The following CHD1L variants were observed in gnomAD, a reference collection of about 807,000 sequenced individuals.
CHD1L encodes the protein chromodomain helicase DNA binding protein 1 like, also known as ATP-dependent chromatin remodeler CHD1L.
CHD1L carries 118 observed loss-of-function variants against 115.9 expected under a neutral mutation model. The ratio of observed to expected loss-of-function variants is 1.02; its 90% CI spans 0.88 to 1.19. The LOEUF is 1.19. Ranked by LOEUF, CHD1L falls within the 50% of genes most tolerant of loss-of-function variation. CHD1L has a pLI of 0.00. For missense variants in CHD1L, 1,179 were observed against 1,065.3 expected (o/e 1.11, Z -1.49); for synonymous variants, 411 against 387.1 (o/e 1.06, Z -0.72).
the CHD1L span, among the ~76,000 whole-genome samples, chr1:147,192,645 G>C: frequency 6.6e-6 from 1 of 151,980 alleles, no homozygotes; most frequent in African/African-American, 2.4e-5. Context: ...ATTGGCTGTG[G>C]GTTTGTCATA....
the CHD1L span, chr1:147,211,712 C>T: frequency 6.6e-6 from 1 of 152,164 alleles, no homozygotes; most frequent in Non-Finnish European, 1.5e-5. Context: ...ATAGTGAAGA[C>T]ACTTGCTTCT....
chr1:147,206,398 C>T, the CHD1L span, among the ~76,000 whole-genome samples: 3 of 152,334 alleles, frequency 2.0e-5, no homozygotes, highest in East Asian at 5.8e-4. Context: ...TTTGACCCAA[C>T]CATCCCATTA....
chr1:147,284,285 T>A, intron 15 of CHD1L, 66 bp from the exon 16 acceptor site: 1 of 1,296,822 alleles, frequency 7.7e-7, no homozygotes, highest in Non-Finnish European at 1.1e-6. Flanking sequence ...TGTTATTGAT[T>A]TGAATAGCAT....
At chr1:147,259,323 C>CA (rs1671148343) in intron 5 of CHD1L, 1 of 152,338 alleles carries the variant, frequency 6.6e-6, no homozygotes, top group African/African-American at 2.4e-5. Context: ...CTCTGCTCAC[C>CA]ACTTACCCAT....
chr1:147,213,885 C>G, the CHD1L span, among the ~76,000 whole-genome samples: 2 of 152,224 alleles, frequency 1.3e-5, no homozygotes, highest in South Asian at 4.1e-4. Flanking sequence ...CTTCTCCTGG[C>G]TACCTTTAAA....
chr1:147,273,027 C>T (rs1676878651), intron 12 of CHD1L, among the ~76,000 whole-genome samples: 1 of 152,096 alleles, frequency 6.6e-6, no homozygotes, highest in South Asian at 2.1e-4. Context: ...TGGTGAAACC[C>T]CGTCTCTACT....
the CHD1L span, among the ~76,000 whole-genome samples, chr1:147,237,260 G>T: frequency 6.6e-6 from 1 of 152,162 alleles, no homozygotes; most frequent in African/African-American, 2.4e-5. Context: ...GGAATGGGGT[G>T]GGAGGTCTTA....
chr1:147,218,551 T>C, the CHD1L span, among the ~76,000 whole-genome samples: 5,584 of 152,280 alleles, frequency 0.037, 108 homozygotes, highest in African/African-American at 0.046. Context: ...ATGCAGAATT[T>C]ACCTTCCACA....
the CHD1L span, among the ~76,000 whole-genome samples, chr1:147,232,670 C>A: frequency 6.6e-6 from 1 of 152,130 alleles, no homozygotes; most frequent in South Asian, 2.1e-4. Context: ...GACTGGTTTT[C>A]GTATTTTTTT....
the CHD1L span, among the ~76,000 whole-genome samples, chr1:147,231,086 T>C: frequency 6.6e-6 from 1 of 152,312 alleles, no homozygotes; most frequent in African/African-American, 2.4e-5. Flanking sequence ...CTAGTTCTTT[T>C]AATTGTGACG....
At chr1:147,214,108 A>T in the CHD1L span, among the ~76,000 whole-genome samples, 3 of 152,190 alleles carry the variant, frequency 2.0e-5, no homozygotes, top group Non-Finnish European at 4.4e-5. Context: ...TTAAGGAAAC[A>T]CTATGTGCTT....
At chr1:147,205,158 G>A in the CHD1L span, among the ~76,000 whole-genome samples, 1 of 152,062 alleles carries the variant, frequency 6.6e-6, no homozygotes, top group East Asian at 1.9e-4. Context: ...TATTTGTTTG[G>A]CTATCTCCTA....
chr1:147,255,904 C>T lies in CHD1L; in HGVS notation c.439C>T (p.His147Tyr). The change falls in exon 4 of 23, where the codon CAT becomes TAT. Residue 147 changes from histidine to tyrosine, a missense_variant. Physicochemically the swap from His to Tyr is moderately conservative, Grantham distance 83. Coordinates refer to ENST00000369258, the MANE Select transcript of CHD1L (RefSeq NM_004284.6). The stretch of plus-strand genomic sequence containing the variant: ...AGACCTGAAACAGGAGTCACGTTTT[C>T]ATGTGCTACTGACTACCTATGAGGT... ...QQDLKQESRF[H>Y]VLLTTYEICL... is the part of the protein sequence containing the mutation. The T allele has an allele frequency of 6.2e-7, 1 of 1,613,442 alleles. No homozygotes were observed.
At chr1:147,178,814 A>G in the CHD1L span, 5 of 1,604,482 alleles carry the variant, frequency 3.1e-6, no homozygotes, top group Non-Finnish European at 4.3e-6. Context: ...AAAATTAAAA[A>G]GTTTATCCAG....
intron 1 of CHD1L, among the ~76,000 whole-genome samples, chr1:147,252,191 GT>G (rs1446994113): frequency 6.6e-6 from 1 of 152,190 alleles, no homozygotes; most frequent in Non-Finnish European, 1.5e-5. Context: ...GTAGTCCTAA[GT>G]TTTTTCCTTT....
chr1:147,277,474 A>T (rs1678964872), intron 14 of CHD1L, among the ~76,000 whole-genome samples: 1 of 152,134 alleles, frequency 6.6e-6, no homozygotes. Flanking sequence ...TTTGTTAGGG[A>T]GTTAGTAATT....
the CHD1L span, chr1:147,178,146 C>T: frequency 6.2e-7 from 1 of 1,606,148 alleles, no homozygotes; most frequent in African/African-American, 1.3e-5. Context: ...TGTTCCCGGG[C>T]GTGGCGCTGC....
upstream of CHD1L, among the ~76,000 whole-genome samples, chr1:147,240,553 G>A (rs1664753955): frequency 6.6e-6 from 1 of 152,036 alleles, no homozygotes; most frequent in Non-Finnish European, 1.5e-5. Context: ...AAAGAGAAAG[G>A]AAGGCCTCTT....
the CHD1L span, among the ~76,000 whole-genome samples, chr1:147,228,957 G>A: frequency 6.6e-6 from 1 of 152,138 alleles, no homozygotes; most frequent in Non-Finnish European, 1.5e-5. Flanking sequence ...CATTCGGTAG[G>A]TTGCCTGTTC....
Sources: allele counts gnomAD v4.1 joint callset (sites outside exome capture counted in the v4.1 genomes callset), GRCh38; gene constraint gnomAD v4.1.1; transcripts MANE v1.5; gene names NCBI Gene and HGNC (gene_info 2026-07-23, HGNC 2026-07-21).